The following NR3C2 variants were observed in gnomAD, a reference collection of about 807,000 sequenced individuals.
NR3C2 encodes nuclear receptor subfamily 3 group C member 2.
In NR3C2, 15 loss-of-function variants were observed where a neutral mutation model predicts 86.4. The observed-to-expected ratio is 0.17, with a 90% CI of 0.12 to 0.27. The LOEUF (loss-of-function observed/expected upper bound fraction) is 0.27. NR3C2 is among the 10% of genes least tolerant of loss of function. The probability of loss-of-function intolerance (pLI) is 1.00; values close to 1 mark genes in which losing one functional copy is unlikely to be tolerated. For missense variants in NR3C2, 960 were observed against 1,195.6 expected, an observed-to-expected ratio of 0.80 and a Z score of 2.91; for synonymous variants, 458 against 450.5, an observed-to-expected ratio of 1.02 and a Z score of -0.21.
intron 4 of NR3C2, among the ~76,000 whole-genome samples, chr4:148,160,437 T>C (rs921157794): frequency 1.3e-5 from 2 of 152,164 alleles, no homozygotes; most frequent in Non-Finnish European, 2.9e-5. Context: ...CATACCCTTT[T>C]GACAAGCCAC....
chr4:148,319,101 C>G (rs1427350386), intron 2 of NR3C2, among the ~76,000 whole-genome samples: 32 of 151,530 alleles, frequency 2.1e-4, no homozygotes, highest in Admixed American at 2.1e-3. Context: ...ATATGGCTAG[C>G]CAGTTTTCCC....
chr4:148,112,572 A>G (rs563016266), intron 8 of NR3C2, among the ~76,000 whole-genome samples: 3 of 152,328 alleles, frequency 2.0e-5, no homozygotes, highest in African/African-American at 7.2e-5. Context: ...GCTTGCCATC[A>G]TCTCTTATTT....
intron 3 of NR3C2, among the ~76,000 whole-genome samples, chr4:148,201,376 T>A (rs1024265760): frequency 1.2e-4 from 19 of 152,252 alleles, no homozygotes; most frequent in African/African-American, 4.6e-4. Flanking sequence ...CAGAGGCATC[T>A]GACCTAATAA....
At chr4:148,259,225 CT>C (rs1373829246) in intron 3 of NR3C2, among the ~76,000 whole-genome samples, 2 of 152,162 alleles carry the variant, frequency 1.3e-5, no homozygotes, top group Non-Finnish European at 2.9e-5. Flanking sequence ...CACAATGAAT[CT>C]TTTACTAATA....
chr4:148,411,295 A>G (rs1451146358), intron 2 of NR3C2, among the ~76,000 whole-genome samples: 2 of 152,196 alleles, frequency 1.3e-5, no homozygotes, highest in African/African-American at 4.8e-5. Flanking sequence ...ACAGAAGAGG[A>G]CAGGCAATAA....
chr4:148,102,050 T>A (rs1731561312), intron 8 of NR3C2, among the ~76,000 whole-genome samples: 1 of 152,220 alleles, frequency 6.6e-6, no homozygotes, highest in Non-Finnish European at 1.5e-5. Context: ...CTAACTGACC[T>A]TTCTGCAGCT....
intron 2 of NR3C2, among the ~76,000 whole-genome samples, chr4:148,266,903 G>C (rs1298195024): frequency 2.6e-5 from 4 of 152,202 alleles, no homozygotes; most frequent in African/African-American, 9.6e-5. Flanking sequence ...AGGACTTGCA[G>C]AAATACTGGA....
chr4:148,340,667 G>A (rs1477827945), intron 2 of NR3C2, among the ~76,000 whole-genome samples: 2 of 152,094 alleles, frequency 1.3e-5, no homozygotes, highest in African/African-American at 4.8e-5. Context: ...CTTCTGCACT[G>A]CAAAAGAAAC....
chr4:148,134,938 G>T (rs939170812), intron 6 of NR3C2, among the ~76,000 whole-genome samples: 5 of 151,750 alleles, frequency 3.3e-5, no homozygotes, highest in Admixed American at 2.0e-4. Flanking sequence ...GATTACAGGC[G>T]TGAGCCACCA....
chr4:148,246,740 A>G (rs921962569), intron 3 of NR3C2, among the ~76,000 whole-genome samples: 1 of 152,042 alleles, frequency 6.6e-6, no homozygotes, highest in African/African-American at 2.4e-5. Context: ...TTTAGTAGAG[A>G]CAGGGTTTCA....
chr4:148,133,338 A>G (rs1290546175), intron 6 of NR3C2, among the ~76,000 whole-genome samples: 3 of 152,214 alleles, frequency 2.0e-5, no homozygotes, highest in Non-Finnish European at 1.5e-5. Flanking sequence ...AACAGAAGAC[A>G]GAAAACCTTT....
At chr4:148,216,803 G>A (rs2149822431) in intron 3 of NR3C2, among the ~76,000 whole-genome samples, 1 of 152,200 alleles carries the variant, frequency 6.6e-6, no homozygotes, top group South Asian at 2.1e-4. Context: ...TATTTATCTT[G>A]AATGTCAAAT....
chr4:148,269,297 G>C (rs539973056), intron 2 of NR3C2, among the ~76,000 whole-genome samples: 1 of 152,318 alleles, frequency 6.6e-6, no homozygotes, highest in East Asian at 1.9e-4. Flanking sequence ...CTGCCAACAA[G>C]AGGACAAGAC....
intron 4 of NR3C2, among the ~76,000 whole-genome samples, chr4:148,173,859 C>T (rs746945032): frequency 3.3e-5 from 5 of 152,028 alleles, no homozygotes; most frequent in South Asian, 2.1e-4. Flanking sequence ...GGAGCGTGGG[C>T]GGGAGGAGCC....
chr4:148,180,790 T>C (rs1411328348), intron 4 of NR3C2, among the ~76,000 whole-genome samples: 13 of 152,230 alleles, frequency 8.5e-5, no homozygotes, highest in Non-Finnish European at 1.3e-4. Flanking sequence ...GCCATAATTT[T>C]ATTGGCCCGT....
At chr4:148,103,124 C>A (rs913038000) in intron 8 of NR3C2, among the ~76,000 whole-genome samples, 1 of 152,156 alleles carries the variant, frequency 6.6e-6, no homozygotes, top group African/African-American at 2.4e-5. Context: ...TGTGGCAAAC[C>A]CCGACTTGAC....
At chr4:148,338,971 A>T (rs1744624379) in intron 2 of NR3C2, among the ~76,000 whole-genome samples, 2 of 152,208 alleles carry the variant, frequency 1.3e-5, no homozygotes, top group South Asian at 2.1e-4. Context: ...AGAAAAAAAA[A>T]TTTAATTTTA....
At chr4:148,110,583 TAGAA>T (rs895586539) in intron 8 of NR3C2, among the ~76,000 whole-genome samples, 1 of 152,222 alleles carries the variant, frequency 6.6e-6, no homozygotes, top group Admixed American at 6.5e-5. Flanking sequence ...GTGTGAATGT[TAGAA>T]AGGTCCCTCT....
chr4:148,400,298 CCTT>C (rs1748078970), intron 2 of NR3C2, among the ~76,000 whole-genome samples: 1 of 152,150 alleles, frequency 6.6e-6, no homozygotes, highest in Admixed American at 6.5e-5. Context: ...CTCTAGACTG[CCTT>C]CTACTTACAG....
Sources: gnomAD v4.1 joint callset for allele counts (sites outside exome capture counted in the v4.1 genomes callset) on GRCh38, gnomAD v4.1.1 for gene constraint, MANE v1.5 for transcripts, NCBI Gene and HGNC (gene_info 2026-07-23, HGNC 2026-07-21) for gene names.